The following HMGXB3 variants were observed in gnomAD, a reference collection of about 807,000 sequenced individuals.
HMGXB3 encodes the protein HMG domain-containing protein 3.
A neutral mutation model predicts 121.5 loss-of-function variants in HMGXB3; 45 were observed. That is an observed-to-expected ratio of 0.37 (90% CI 0.29 to 0.47). HMGXB3 has a LOEUF of 0.47. HMGXB3 is among the 20% of genes least tolerant of loss of function. The probability of loss-of-function intolerance (pLI) is 0.99; values close to 1 mark genes in which losing one functional copy is unlikely to be tolerated. For synonymous variants in HMGXB3, 590 were observed against 624.1 expected (o/e 0.95, Z 0.81); for missense variants, 1,376 against 1,602.2 (o/e 0.86, Z 2.41).
chr5:150,012,240 C>A lies in HMGXB3; in HGVS notation c.811-15C>A. 6.5e-7 allele frequency: 1 copy of A among 1,539,646 alleles called. No individual in the cohort carries two copies. Among genetic ancestry groups the A allele is most frequent in the Non-Finnish European group, 8.8e-7 (1 of 1,135,580 alleles). On this transcript the variant is annotated splice_polypyrimidine_tract_variant and intron_variant, in intron 4 of 19. Coordinates refer to ENST00000502717, the MANE Select transcript of HMGXB3 (RefSeq NM_014983.3). ...TCTGTTTCAGTGAAACTGTCCTTCT[C>A]TTCATTGCCCATAGGATTCCAGTGA...
At position 150,041,908 on chromosome 5, in the gene HMGXB3, C is replaced by T; in HGVS notation, c.2669C>T (p.Ala890Val). 1 of 1,551,688 alleles carries T rather than the reference C, an allele frequency of 6.4e-7. No homozygotes were observed. Among genetic ancestry groups the T allele is most frequent in the Non-Finnish European group, 8.7e-7 (1 of 1,146,958 alleles). ...ATGATCTGTGGCATCTGTGGTGTGG[C>T]CCCCAAAGTGGAAATGGCTCAGAGG... ...NDMICGICGV[A>V]PKVEMAQRSE... The change falls in exon 15 of 20, where the codon GCC becomes GTC. Residue 890 changes from alanine (A) to valine (V), a missense_variant. Transcript: ENST00000502717.
chr5:150,018,551 G>A lies in HMGXB3; in HGVS notation c.910-15G>A, dbSNP rs761633294. Reference sequence around the variant, plus strand: ...GAGGTTGTTCTATTGATTCTGATGTGCTCTTTATTTACAGACCACTACATA... The same window carrying A: ...GAGGTTGTTCTATTGATTCTGATGTACTCTTTATTTACAGACCACTACATA... On this transcript the variant is annotated splice_polypyrimidine_tract_variant and intron_variant, in intron 5 of 19. Coordinates refer to ENST00000502717, the MANE Select transcript of HMGXB3 (RefSeq NM_014983.3). The A allele has an allele frequency of 2.4e-5, 37 of 1,526,690 alleles. 1 individual carries two copies. The South Asian group carries it at 3.7e-4, about 15-fold the overall frequency. The allele number at this position is 1,526,690 out of a possible 1,614,324, so 94.6% of individuals were successfully genotyped here.
intron 5 of HMGXB3, chr5:150,015,079 G>T: frequency 5.0e-6 from 2 of 402,808 alleles, no homozygotes; most frequent in South Asian, 6.6e-5. Flanking sequence ...GCCAAAGGGG[G>T]ACAGATATGG....
intron 1 of HMGXB3, among the ~76,000 whole-genome samples, chr5:150,002,803 G>C (rs1755608717): frequency 6.6e-6 from 1 of 151,754 alleles, no homozygotes; most frequent in Admixed American, 6.6e-5. Context: ...TGACTGTTTA[G>C]ATCTGTGCTG....
At chr5:150,030,475 C>G in intron 9 of HMGXB3, 1 of 367,540 alleles carries the variant, frequency 2.7e-6, no homozygotes, top group African/African-American at 2.1e-5. Flanking sequence ...GCTTTTATAA[C>G]TCAGTAGTAG....
rs1323473386 is a variant in HMGXB3 at position 150,024,248 on chromosome 5, T to C, written c.1042-14T>C. On this transcript the variant is annotated splice_polypyrimidine_tract_variant and intron_variant, in intron 6 of 19. Coordinates refer to ENST00000502717, the MANE Select transcript of HMGXB3 (RefSeq NM_014983.3). The stretch of plus-strand genomic sequence containing the variant: ...AAAATCCCTTATGTATACAAGGTAT[T>C]CTTATTTTTCTAGGAAAAGCCAGCC... The C allele has an allele frequency of 6.6e-7, 1 of 1,509,710 alleles. No individual in the cohort carries two copies. The highest frequency in any genetic ancestry group is 8.8e-7 in the Non-Finnish European group (1 of 1,130,834). The allele number at this position is 1,509,710 out of a possible 1,614,324, so 93.5% of individuals were successfully genotyped here. A position where few individuals can be genotyped will look rare whatever the true frequency, so the allele number is the denominator to read the frequency against.
chr5:150,045,755 CA>C, intron 16 of HMGXB3, 70 bp downstream of exon 16: 1 of 1,225,840 alleles, frequency 8.2e-7, no homozygotes, highest in Non-Finnish European at 1.2e-6. Flanking sequence ...TTGTCCATGG[CA>C]AGATAGCACA....
At chr5:150,004,609 A>C (rs1755653712) in intron 1 of HMGXB3, among the ~76,000 whole-genome samples, 2 of 152,198 alleles carry the variant, frequency 1.3e-5, no homozygotes, top group Admixed American at 1.3e-4. Flanking sequence ...GAATCACCTG[A>C]GGCATTTGTT....
chr5:150,028,557 ATATTTTTTTT>A (rs1756298294), intron 9 of HMGXB3, among the ~76,000 whole-genome samples: 1 of 64,496 alleles, frequency 1.6e-5, no homozygotes, highest in African/African-American at 5.1e-5. Context: ...ATATATATAT[ATATTTTTTTT>A]TTTTTTTTTT....
At chr5:150,020,814 A>G (rs562296047) in intron 6 of HMGXB3, among the ~76,000 whole-genome samples, 1 of 148,830 alleles carries the variant, frequency 6.7e-6, no homozygotes, top group African/African-American at 2.5e-5. Flanking sequence ...ATCTCAGCTC[A>G]CTGCAACCTC....
intron 4 of HMGXB3, among the ~76,000 whole-genome samples, chr5:150,011,638 C>A (rs189238281): frequency 7.5e-6 from 1 of 133,862 alleles, no homozygotes; most frequent in African/African-American, 3.0e-5. Flanking sequence ...GAGTTTTGCT[C>A]TTGTCACCCA....
chr5:150,009,668 G>C (rs1755784693), intron 3 of HMGXB3, among the ~76,000 whole-genome samples: 1 of 152,140 alleles, frequency 6.6e-6, no homozygotes, highest in African/African-American at 2.4e-5. Context: ...TCTAATGTTT[G>C]AATCTTATGC....
At chr5:150,005,024 A>G (rs2113721710) in intron 2 of HMGXB3, 35 bp downstream of exon 2, 1 of 1,529,702 alleles carries the variant, frequency 6.5e-7, no homozygotes. Context: ...GCTAGCATTT[A>G]TAAACAGAAG....
chr5:150,050,162 A>G (rs2113764690), intron 18 of HMGXB3, 90 bp from the exon 19 acceptor site: 4 of 1,154,942 alleles, frequency 3.5e-6, no homozygotes, highest in Non-Finnish European at 5.1e-6. Context: ...CTGATTGCTC[A>G]TCTTCCTGGG....
In HMGXB3 at chr5:150,045,580, A is replaced by G; in HGVS notation, c.2845A>G (p.Lys949Glu). 1.3e-6 allele frequency: 2 copies of G among 1,552,092 alleles called. No homozygotes were observed. The highest frequency in any genetic ancestry group is 1.7e-6 in the Non-Finnish European group (2 of 1,147,086). ...ATTTCCTGCCAGCATCCCTATCACC[A>G]AATTTGATGCGTCTGTTATTGCCCC... ...VAFPASIPITKFDASVIAPFF... is the reference protein window; with the variant it reads ...VAFPASIPITEFDASVIAPFF... The change falls in exon 16 of 20, where the codon AAA (lysine) becomes GAA (glutamate). Residue 949 changes from lysine to glutamate, a missense_variant. This residue lies in a region of HMGXB3 where 1,116 missense variants were observed against 1,369.0 expected (regional missense o/e 0.82). Coordinates refer to ENST00000502717, the MANE Select transcript of HMGXB3 (RefSeq NM_014983.3).
chr5:150,036,992 C>A, intron 12 of HMGXB3, 55 bp downstream of exon 12: 1 of 1,377,224 alleles, frequency 7.3e-7, no homozygotes, highest in Non-Finnish European at 9.8e-7. Context: ...GCTCATACTG[C>A]TCTTTTCTTC....
intron 6 of HMGXB3, chr5:150,021,687 G>A (rs1756097339): frequency 1.2e-5 from 6 of 516,300 alleles, no homozygotes; most frequent in Admixed American, 8.1e-5. Context: ...TTCTCCTATG[G>A]AAACATTCCT....
intron 10 of HMGXB3, among the ~76,000 whole-genome samples, chr5:150,031,239 T>G (rs971034936): frequency 6.6e-6 from 1 of 152,240 alleles, no homozygotes; most frequent in Non-Finnish European, 1.5e-5. Flanking sequence ...ACGAGTATCT[T>G]AAAGTAAAAT....
intron 15 of HMGXB3, among the ~76,000 whole-genome samples, chr5:150,045,217 G>A (rs892808881): frequency 2.6e-5 from 4 of 152,190 alleles, no homozygotes; most frequent in Non-Finnish European, 4.4e-5. Flanking sequence ...ATAAACAAAG[G>A]TATAGAAACA....
Sources: allele counts gnomAD v4.1 joint callset (sites outside exome capture counted in the v4.1 genomes callset), GRCh38; gene constraint gnomAD v4.1.1; regional missense constraint gnomAD v4.1.1; transcripts MANE v1.5; gene names NCBI Gene and HGNC (gene_info 2026-07-23, HGNC 2026-07-21).